The following NRG3 variants were observed in gnomAD, a reference collection of about 807,000 sequenced individuals.
The protein encoded by NRG3 is pro-neuregulin-3, membrane-bound isoform.
In NRG3, 31 loss-of-function variants were observed where a neutral mutation model predicts 66.9. The observed-to-expected ratio is 0.46, with a 90% CI of 0.35 to 0.63. The LOEUF is 0.63. NRG3 is among the 20% of genes least tolerant of loss of function. The pLI is 0.00. For missense variants in NRG3, 910 were observed against 878.9 expected, an observed-to-expected ratio of 1.04 and a Z score of -0.45; for synonymous variants, 393 against 359.4, an observed-to-expected ratio of 1.09 and a Z score of -1.06.
intron 1 of NRG3, among the ~76,000 whole-genome samples, chr10:81,999,291 T>G (rs913255776): frequency 6.6e-6 from 1 of 152,158 alleles, no homozygotes; most frequent in African/African-American, 2.4e-5. Context: ...CAGTAGAAAT[T>G]GAAGAAAACG....
At chr10:82,443,344 A>G (rs116215174) in intron 2 of NRG3, among the ~76,000 whole-genome samples, 1 of 149,594 alleles carries the variant, frequency 6.7e-6, no homozygotes, top group African/African-American at 2.5e-5. Flanking sequence ...GGACACCTGT[A>G]TTGTTCTAGA....
At chr10:82,199,515 T>G (rs190864757) in intron 1 of NRG3, among the ~76,000 whole-genome samples, 1 of 152,342 alleles carries the variant, frequency 6.6e-6, no homozygotes, top group African/African-American at 2.4e-5. Context: ...GATCTGTTAA[T>G]ACACCAATTT....
At chr10:81,881,698 A>G (rs1480094841) in intron 1 of NRG3, among the ~76,000 whole-genome samples, 1 of 152,240 alleles carries the variant, frequency 6.6e-6, no homozygotes, top group Non-Finnish European at 1.5e-5. Context: ...GACAATTAAA[A>G]TAAAACTTTT....
chr10:82,150,512 A>C (rs2070631927), intron 1 of NRG3, among the ~76,000 whole-genome samples: 1 of 146,486 alleles, frequency 6.8e-6, no homozygotes, highest in South Asian at 2.2e-4. Flanking sequence ...CTGATTAACA[A>C]AGCAAAAAGA....
chr10:82,801,197 G>A (rs1236271864), intron 3 of NRG3, among the ~76,000 whole-genome samples: 1 of 152,104 alleles, frequency 6.6e-6, no homozygotes, highest in Non-Finnish European at 1.5e-5. Flanking sequence ...ACTGTCTGGA[G>A]GTACATATTT....
chr10:82,764,649 TACAGGC>T (rs1245170933), intron 3 of NRG3, among the ~76,000 whole-genome samples: 39 of 152,138 alleles, frequency 2.6e-4, no homozygotes, highest in African/African-American at 9.1e-4. Context: ...ACTCCCAAAG[TACAGGC>T]ATGAGCCACC....
At chr10:82,481,420 G>A (rs1045965568) in intron 2 of NRG3, among the ~76,000 whole-genome samples, 44 of 152,066 alleles carry the variant, frequency 2.9e-4, no homozygotes, top group African/African-American at 1.0e-3. Context: ...TCCTTCCTGT[G>A]TGATCTGGTA....
intron 1 of NRG3, among the ~76,000 whole-genome samples, chr10:82,076,417 A>C (rs2065093980): frequency 6.6e-6 from 1 of 152,222 alleles, no homozygotes; most frequent in African/African-American, 2.4e-5. Flanking sequence ...TTGGATGATT[A>C]CTTTGTGGAG....
intron 2 of NRG3, among the ~76,000 whole-genome samples, chr10:82,387,332 A>G (rs952124924): frequency 3.9e-5 from 6 of 152,186 alleles, no homozygotes; most frequent in African/African-American, 1.4e-4. Flanking sequence ...ATTTTCAAGG[A>G]AAGAATGGAA....
chr10:82,065,396 A>G (rs2064395953), intron 1 of NRG3, among the ~76,000 whole-genome samples: 1 of 152,220 alleles, frequency 6.6e-6, no homozygotes, highest in South Asian at 2.1e-4. Context: ...GGTAAAATTT[A>G]TTGTATATCA....
At chr10:82,589,018 A>G (rs643860) in intron 2 of NRG3, among the ~76,000 whole-genome samples, 15,207 of 152,080 alleles carry the variant, frequency 0.1, 777 homozygotes, top group East Asian at 0.15. Flanking sequence ...TCTACTCTTT[A>G]CAACATGGGG....
intron 1 of NRG3, among the ~76,000 whole-genome samples, chr10:82,192,419 G>A (rs928420410): frequency 6.6e-6 from 1 of 152,184 alleles, no homozygotes; most frequent in African/African-American, 2.4e-5. Context: ...GTGGGAGTGG[G>A]CATAGGGTAC....
At chr10:82,237,433 A>T (rs2076809699) in intron 1 of NRG3, among the ~76,000 whole-genome samples, 1 of 152,158 alleles carries the variant, frequency 6.6e-6, no homozygotes, top group Non-Finnish European at 1.5e-5. Context: ...AACAATTTGT[A>T]ATTTTATAGG....
chr10:82,517,483 C>T (rs1002787576), intron 2 of NRG3, among the ~76,000 whole-genome samples: 17 of 152,022 alleles, frequency 1.1e-4, no homozygotes, highest in African/African-American at 2.2e-4. Flanking sequence ...ACTAAAATTG[C>T]GGCTGTAGTC....
intron 3 of NRG3, chr10:82,843,328 C>T (rs1304473267): frequency 2.4e-6 from 1 of 419,930 alleles, no homozygotes; most frequent in East Asian, 7.2e-5. Flanking sequence ...TCCCTTTGCT[C>T]TCTCTGATCC....
chr10:82,433,689 C>G (rs1034585652), intron 2 of NRG3, among the ~76,000 whole-genome samples: 1 of 152,140 alleles, frequency 6.6e-6, no homozygotes, highest in Non-Finnish European at 1.5e-5. Context: ...TTCCCAGCAC[C>G]ATTTACTGAA....
intron 1 of NRG3, among the ~76,000 whole-genome samples, chr10:82,058,827 G>T (rs1220015272): frequency 1.3e-5 from 2 of 152,062 alleles, no homozygotes; most frequent in East Asian, 1.9e-4. Flanking sequence ...CTTATTTAGG[G>T]TGATATATTC....
In NRG3 at chr10:82,031,072, A is replaced by G. The variant is rs751066016; in HGVS notation, c.823+154909A>G. 2.1e-4 allele frequency among the ~76,000 whole-genome samples: 32 copies of G among 152,168 alleles called. 1 individual carries two copies. Among genetic ancestry groups the G allele is most frequent in the Admixed American group, 6.5e-5 (1 of 15,272 alleles). ...GGATCTTCACATATGTGAAGAAAGC[A>G]TTTTCCCAGCCACATTCATTATCCG... On this transcript the variant is annotated intron_variant, in intron 1 of 8. Transcript: ENST00000372141.
At position 82,455,197 on chromosome 10, in the gene NRG3, A is replaced by G. The variant is rs913588982; in HGVS notation, c.953+96329A>G. On this transcript the variant is annotated intron_variant, in intron 2 of 8. Transcript: ENST00000372141. ...ACTTTCAGATAATATATAGTCATAC[A>G]TTATTTAATGATGGAATATGTTCTT... Among the ~76,000 whole-genome samples, 7 of 152,344 alleles carry G rather than the reference A, an allele frequency of 4.6e-5. No individual in the cohort carries two copies. The East Asian group carries it at 5.8e-4, about 13-fold the overall frequency.
Sources: allele counts gnomAD v4.1 joint callset (sites outside exome capture counted in the v4.1 genomes callset), GRCh38; gene constraint gnomAD v4.1.1; transcripts MANE v1.5; gene names NCBI Gene and HGNC (gene_info 2026-07-23, HGNC 2026-07-21).